SAMD12: variants seen among roughly 807,000 people sequenced by gnomAD.
The protein encoded by SAMD12 is sterile alpha motif domain-containing protein 12.
In SAMD12, 9 loss-of-function variants were observed where a neutral mutation model predicts 15.0. The observed-to-expected ratio is 0.60, with a 90% confidence interval of 0.36 to 1.05. SAMD12 has a LOEUF of 1.05. Ranked by LOEUF, SAMD12 falls within the 50% of genes least tolerant of loss-of-function variation. The probability of loss-of-function intolerance (pLI) is 0.01; values close to 1 mark genes in which losing one functional copy is unlikely to be tolerated. For missense variants in SAMD12, 230 were observed against 234.2 expected (o/e 0.98, Z 0.12); for synonymous variants, 86 against 90.1 (o/e 0.96, Z 0.25).
At chr8:118,442,162 C>A (rs968818912) in intron 2 of SAMD12, among the ~76,000 whole-genome samples, 1 of 152,178 alleles carries the variant, frequency 6.6e-6, no homozygotes, top group Non-Finnish European at 1.5e-5. Flanking sequence ...AATTGTTTTG[C>A]AATCCTAGTA....
chr8:118,155,778 A>G, the SAMD12 span, among the ~76,000 whole-genome samples: 5 of 152,226 alleles, frequency 3.3e-5, no homozygotes, highest in African/African-American at 9.6e-5. Context: ...ATGAATAATT[A>G]AAAGGAAATG....
At chr8:118,254,618 C>T (rs1474964578) in intron 4 of SAMD12, among the ~76,000 whole-genome samples, 1 of 152,042 alleles carries the variant, frequency 6.6e-6, no homozygotes, top group Non-Finnish European at 1.5e-5. Context: ...CTATTTCTTC[C>T]CATGACAAAT....
intron 3 of SAMD12, among the ~76,000 whole-genome samples, chr8:118,412,091 A>T (rs1368647245): frequency 2.0e-5 from 3 of 152,236 alleles, no homozygotes; most frequent in African/African-American, 7.2e-5. Flanking sequence ...CCTCACCTAG[A>T]GGGTAAAGCC....
chr8:118,157,165 T>G, the SAMD12 span, among the ~76,000 whole-genome samples: 2 of 152,138 alleles, frequency 1.3e-5, no homozygotes, highest in South Asian at 2.1e-4. Flanking sequence ...AATCAAAACT[T>G]GAAAATGGTA....
chr8:118,172,868 G>T, the SAMD12 span, among the ~76,000 whole-genome samples: 2 of 152,100 alleles, frequency 1.3e-5, no homozygotes, highest in Non-Finnish European at 1.5e-5. Context: ...TTGCAGAATT[G>T]AAACTTTATA....
rs551721906 is a variant in SAMD12, at chr8:118,508,622, TC to T, written c.193-68662del. On this transcript the variant is annotated intron_variant, in intron 2 of 3. Transcript: ENST00000314727. Reference sequence around the variant, plus strand: ...CCATGTCACTTGCATAACTGCTGCTTCTTTGTATTAATTTTTCTTAGTTTGA... The same window carrying T: ...CCATGTCACTTGCATAACTGCTGCTTTTTGTATTAATTTTTCTTAGTTTGA... Among the ~76,000 whole-genome samples the T allele has an allele frequency of 1.6e-4, 24 of 152,338 alleles. No homozygotes were observed. In the South Asian group the frequency reaches 3.9e-3, roughly 25 times the overall value.
chr8:118,598,540 C>A (rs567976819), intron 1 of SAMD12, among the ~76,000 whole-genome samples: 1 of 152,304 alleles, frequency 6.6e-6, no homozygotes, highest in East Asian at 1.9e-4. Context: ...TTTGTTATGG[C>A]AGCTCTAGCA....
intron 2 of SAMD12, among the ~76,000 whole-genome samples, chr8:118,516,785 C>T (rs1825257242): frequency 6.6e-6 from 1 of 151,934 alleles, no homozygotes; most frequent in Admixed American, 6.6e-5. Context: ...ACTACAGGCC[C>T]ACACCACTAT....
At chr8:118,557,473 A>T (rs915482098) in intron 2 of SAMD12, among the ~76,000 whole-genome samples, 30 of 152,182 alleles carry the variant, frequency 2.0e-4, no homozygotes, top group African/African-American at 6.8e-4. Flanking sequence ...GTTGGAGTAG[A>T]TCTGAGAAGC....
chr8:118,133,710 T>C, the SAMD12 span, among the ~76,000 whole-genome samples: 1 of 152,108 alleles, frequency 6.6e-6, no homozygotes, highest in Non-Finnish European at 1.5e-5. Context: ...AGCAAGACTT[T>C]TTTTTTTTCT....
chr8:118,422,268 G>C (rs1173333126), intron 3 of SAMD12, among the ~76,000 whole-genome samples: 1 of 152,194 alleles, frequency 6.6e-6, no homozygotes, highest in Non-Finnish European at 1.5e-5. Context: ...TTCTACCTTA[G>C]AGAAGTTTCT....
exon 5 of SAMD12, chr8:118,191,911 T>A (rs1819415656): frequency 7.1e-6 from 1 of 139,912 alleles, no homozygotes; most frequent in Non-Finnish European, 1.6e-5. Context: ...ATGCTCAAAC[T>A]CAAATCATAT....
chr8:118,319,862 G>A (rs964078660), intron 4 of SAMD12, among the ~76,000 whole-genome samples: 4 of 152,160 alleles, frequency 2.6e-5, no homozygotes, highest in Non-Finnish European at 4.4e-5. Flanking sequence ...GATGCCTCTG[G>A]GATAGAAAGG....
At chr8:118,485,720 T>C (rs1171637446) in intron 2 of SAMD12, among the ~76,000 whole-genome samples, 1 of 152,188 alleles carries the variant, frequency 6.6e-6, no homozygotes, top group Non-Finnish European at 1.5e-5. Context: ...CGATGAAGAA[T>C]AGGGAACTAA....
the SAMD12 span, among the ~76,000 whole-genome samples, chr8:118,143,990 G>T: frequency 6.6e-5 from 10 of 152,220 alleles, no homozygotes; most frequent in East Asian, 1.9e-3. Flanking sequence ...TGTTGGCGGG[G>T]CTGTGTTCCC....
At chr8:118,533,068 G>T (rs1323653334) in intron 2 of SAMD12, among the ~76,000 whole-genome samples, 1 of 151,732 alleles carries the variant, frequency 6.6e-6, no homozygotes, top group African/African-American at 2.4e-5. Context: ...TTTCTCTTGT[G>T]GGCATTTAGT....
chr8:118,220,710 C>T (rs1812065186), intron 4 of SAMD12, among the ~76,000 whole-genome samples: 1 of 152,158 alleles, frequency 6.6e-6, no homozygotes. Context: ...CTTGGAACAG[C>T]AACGGAAACA....
At chr8:118,426,553 A>G (rs1822240575) in intron 3 of SAMD12, among the ~76,000 whole-genome samples, 1 of 152,218 alleles carries the variant, frequency 6.6e-6, no homozygotes, top group Admixed American at 6.5e-5. Context: ...TTTCTAAAGC[A>G]AGGCTGCTCC....
chr8:118,233,289 T>A (rs1344052069), intron 4 of SAMD12, among the ~76,000 whole-genome samples: 1 of 152,214 alleles, frequency 6.6e-6, no homozygotes, highest in Non-Finnish European at 1.5e-5. Context: ...GCTGAGACTT[T>A]AATTTGTGGC....
Sources: gnomAD v4.1 joint callset for allele counts (sites outside exome capture counted in the v4.1 genomes callset) on GRCh38, gnomAD v4.1.1 for gene constraint, MANE v1.5 for transcripts, NCBI Gene and HGNC (gene_info 2026-07-23, HGNC 2026-07-21) for gene names.